Variants in PRKD2 observed in about 807,000 individuals in gnomAD.
The protein encoded by PRKD2 is serine/threonine-protein kinase D2.
PRKD2 carries 22 observed loss-of-function variants against 86.0 expected under a neutral mutation model. The ratio of observed to expected loss-of-function variants is 0.26; its 90% CI spans 0.18 to 0.37. The LOEUF is 0.37. Among genes scored for constraint, PRKD2 ranks in the 10% least tolerant of loss-of-function variants. PRKD2 has a pLI of 1.00. For synonymous variants in PRKD2, 509 were observed against 510.9 expected, an observed-to-expected ratio of 1.00 and a Z score of 0.05; for missense variants, 818 against 1,199.2, an observed-to-expected ratio of 0.68 and a Z score of 4.70.
At chr19:46,683,425 C>G (rs1475348118) in intron 14 of PRKD2, among the ~76,000 whole-genome samples, 1 of 152,050 alleles carries the variant, frequency 6.6e-6, no homozygotes, top group Non-Finnish European at 1.5e-5. Flanking sequence ...ATTTTTCATC[C>G]TTACAAAAAA....
Position 46,674,533 on chromosome 19 carries a change from C to T in PRKD2, c.2627G>A (p.Ser876Asn), listed in dbSNP as rs1211951851. Residue 876 changes from serine (S) to asparagine (N), a missense_variant, in exon 18 of 18, where the codon AGT (serine) becomes AAT (asparagine). This residue lies in a region of PRKD2 where 132 missense variants were observed against 146.2 expected (regional missense o/e 0.90). Coordinates refer to ENST00000291281, the MANE Select transcript of PRKD2 (RefSeq NM_016457.5). ...CGAGGGCACAGGACCTCAGAGAACA[C>T]TGATGCGCTCCGCCAGCCCCTGCAT... Reference protein sequence around the residue: ...HDMQGLAERISVL With the variant: ...HDMQGLAERINVL 1 of 1,612,536 alleles carries T rather than the reference C, an allele frequency of 6.2e-7. No homozygotes were observed. The highest frequency in any genetic ancestry group is 2.2e-5 in the East Asian group (1 of 44,856).
intron 3 of PRKD2, among the ~76,000 whole-genome samples, chr19:46,710,131 T>G (rs1043789529): frequency 7.9e-4 from 120 of 152,040 alleles, no homozygotes; most frequent in African/African-American, 2.8e-3. Context: ...TCTCCTGACC[T>G]CGTGATCCAC....
chr19:46,712,369 C>T (rs775027193), intron 2 of PRKD2, among the ~76,000 whole-genome samples: 1 of 151,850 alleles, frequency 6.6e-6, no homozygotes, highest in East Asian at 1.9e-4. Context: ...GGTGAAATCC[C>T]GTCTCTACTA....
chr19:46,678,233 C>A lies in PRKD2; in HGVS notation c.2338+163G>T. The stretch of plus-strand genomic sequence containing the variant: ...TCCCAGCCCATCTTTTACAGGACGG[C>A]TCCTCCTGTAGCCACATCCCTCCAG... On this transcript the variant is annotated intron_variant, in intron 16 of 17. Coordinates refer to ENST00000291281, the MANE Select transcript of PRKD2 (RefSeq NM_016457.5). This position sits in a 1 kb window ranked among gnomAD's most constrained non-coding sequence, Gnocchi z 5.7. The A allele has an allele frequency of 8.9e-7, 1 of 1,123,638 alleles. No homozygotes were observed. The highest frequency in any genetic ancestry group is 1.6e-5 in the South Asian group (1 of 63,148). The allele number at this position is 1,123,638 out of a possible 1,614,324, so 69.6% of individuals were successfully genotyped here.
chr19:46,695,902 G>A (rs567347489), intron 9 of PRKD2, among the ~76,000 whole-genome samples: 125 of 152,098 alleles, frequency 8.2e-4, no homozygotes, highest in African/African-American at 2.8e-3. Context: ...GCAGTGACGC[G>A]ATCTCAGCTC....
intron 3 of PRKD2, chr19:46,710,598 T>G (rs968073727): frequency 5.8e-6 from 2 of 345,598 alleles, no homozygotes; most frequent in Non-Finnish European, 1.1e-5. Flanking sequence ...CCCTAACTGA[T>G]AGAGGCCCCA....
intron 16 of PRKD2, among the ~76,000 whole-genome samples, chr19:46,675,589 G>A (rs1030088782): frequency 2.6e-5 from 4 of 152,080 alleles, no homozygotes; most frequent in Non-Finnish European, 5.9e-5. Flanking sequence ...GAATACAGGT[G>A]TGTGTCACCA....
intron 7 of PRKD2, 44 bp from the exon 8 acceptor site, chr19:46,697,894 G>C: frequency 6.8e-7 from 1 of 1,477,032 alleles, no homozygotes; most frequent in Non-Finnish European, 9.5e-7. Flanking sequence ...TGCAGAAAGT[G>C]ACCATGCTGC....
chr19:46,680,365 G>T (rs372572712), intron 15 of PRKD2, among the ~76,000 whole-genome samples: 1 of 150,968 alleles, frequency 6.6e-6, no homozygotes, highest in South Asian at 2.1e-4. Context: ...TCGGCTCACC[G>T]CAACCTCCAC....
chr19:46,716,389 G>T lies in PRKD2; in HGVS notation c.-19C>A. The T allele has an allele frequency of 1.4e-6, 2 of 1,379,882 alleles. No homozygotes were observed. Among genetic ancestry groups the T allele is most frequent in the Non-Finnish European group, 1.9e-6 (2 of 1,065,388 alleles). The allele number at this position is 1,379,882 out of a possible 1,614,324, so 85.5% of individuals were successfully genotyped here. ...TGGCCATGGGGGGAGGCCGGGGACC[G>T]GCCGCCTGGAGCCCACCCGGGACCC... On this transcript the variant is annotated 5_prime_UTR_variant, in exon 1 of 18. Transcript: ENST00000291281. This position sits in a 1 kb window ranked among gnomAD's most constrained non-coding sequence, Gnocchi z 7.9.
Position 46,693,964 on chromosome 19 carries a change from G to A in PRKD2, c.1487C>T (p.Ala496Val), listed in dbSNP as rs55716765. 6.8e-6 allele frequency: 11 copies of A among 1,612,550 alleles called. No individual in the cohort carries two copies. In the East Asian group the frequency reaches 2.5e-4, roughly 36 times the overall value. The change falls in exon 10 of 18, where the codon GCC (alanine) becomes GTC (valine). Residue 496 changes from alanine (A) to valine (V), a missense_variant. Physicochemically the swap from Ala to Val is moderately conservative, Grantham distance 64. Around this residue, in one of 5 missense-constraint regions of PRKD2, gnomAD observed 127 missense variants for 157.8 expected, o/e 0.80. Transcript: ENST00000291281. The surrounding 1 kb of genome is among the most constrained non-coding windows in gnomAD (Gnocchi z 4.5). ...PGGPSGQGAE[A>V]ARGWETAIRQ... ...GATGGCTGTCTCCCAGCCCCGGGCGGCCTCAGCCCCCTGCCCACTTGGCCC... is the reference window on the plus strand; with the variant it reads ...GATGGCTGTCTCCCAGCCCCGGGCGACCTCAGCCCCCTGCCCACTTGGCCC...
chr19:46,701,251 G>A, intron 5 of PRKD2, 139 bp from the exon 6 acceptor site: 1 of 912,830 alleles, frequency 1.1e-6, no homozygotes, highest in Non-Finnish European at 1.7e-6. Context: ...CTGCTGCCCT[G>A]GTCATTTTCC....
intron 14 of PRKD2, among the ~76,000 whole-genome samples, chr19:46,686,358 G>C (rs1437582921): frequency 2.6e-5 from 4 of 151,716 alleles, no homozygotes; most frequent in Non-Finnish European, 5.9e-5. Context: ...AAATTAGCCA[G>C]GTGTAATGGC....
intron 14 of PRKD2, chr19:46,686,134 C>T (rs1397613964): frequency 6.6e-6 from 1 of 151,998 alleles, no homozygotes; most frequent in Non-Finnish European, 1.5e-5. Flanking sequence ...GGCAAGGCAC[C>T]CACCAGAAGG....
intron 9 of PRKD2, among the ~76,000 whole-genome samples, chr19:46,694,725 C>G (rs1222395966): frequency 6.6e-6 from 1 of 152,156 alleles, no homozygotes; most frequent in Non-Finnish European, 1.5e-5. Context: ...AGGCTATGCT[C>G]AAAAGCCAAG....
chr19:46,682,007 ATTTT>A (rs1042375851), intron 14 of PRKD2, among the ~76,000 whole-genome samples: 1 of 143,196 alleles, frequency 7.0e-6, no homozygotes, highest in Non-Finnish European at 1.5e-5. Flanking sequence ...TGCCCAGCTA[ATTTT>A]TTTTTTTCTT....
chr19:46,699,670 G>A (rs1280225615), intron 7 of PRKD2, among the ~76,000 whole-genome samples: 1 of 152,186 alleles, frequency 6.6e-6, no homozygotes, highest in East Asian at 1.9e-4. Flanking sequence ...GATAGGAAGT[G>A]CCTGATCTGA....
chr19:46,713,958 A>C lies in PRKD2; in HGVS notation c.284T>G (p.Leu95Arg). The change falls in exon 2 of 18, where the codon CTT (leucine) becomes CGT (arginine). Residue 95 changes from leucine (L) to arginine (R), a missense_variant. Physicochemically the swap from Leu to Arg is moderately radical, Grantham distance 102. This residue lies in a region of PRKD2 where 403 missense variants were observed against 518.6 expected (regional missense o/e 0.78). Transcript: ENST00000291281. ...GGCCGACGTGGGGTCATGTTTGAAAAGCAGGATCTTGTCGTAAAGGCCGTA... is the reference window on the plus strand; with the variant it reads ...GGCCGACGTGGGGTCATGTTTGAAACGCAGGATCTTGTCGTAAAGGCCGTA... ...GFYGLYDKIL[L>R]FKHDPTSANL... 1 of 1,613,728 alleles carries C rather than the reference A, an allele frequency of 6.2e-7. No individual in the cohort carries two copies. The highest frequency in any genetic ancestry group is 8.5e-7 in the Non-Finnish European group (1 of 1,179,914).
rs1436614915 is a variant in PRKD2 at position 46,713,888 on chromosome 19, G to T, written c.354C>A (p.Gly118=). 6.3e-7 allele frequency: 1 copy of T among 1,595,164 alleles called. No individual in the cohort carries two copies. Among genetic ancestry groups the T allele is most frequent in the Admixed American group, 1.7e-5 (1 of 59,232 alleles). Reference sequence around the variant, plus strand: ...CCGACAGCACCACCTCCACCAGGTCGCCCTCCTGGATGTCTCCGGACGAGC... The same window carrying T: ...CCGACAGCACCACCTCCACCAGGTCTCCCTCCTGGATGTCTCCGGACGAGC... ...LVRSSGDIQE[G]DLVEVVLSAS... Residue 118 remains glycine, a synonymous_variant, in exon 2 of 18, where the codon GGC becomes GGA. Transcript: ENST00000291281.
Sources: gnomAD v4.1 joint callset for allele counts (sites outside exome capture counted in the v4.1 genomes callset) on GRCh38, gnomAD v4.1.1 for gene constraint, gnomAD v4.1.1 regional missense constraint, Gnocchi (gnomAD v3.1) non-coding constraint, MANE v1.5 for transcripts, NCBI Gene and HGNC (gene_info 2026-07-23, HGNC 2026-07-21) for gene names.